NPSR1: variants seen among roughly 807,000 people sequenced by gnomAD.
The protein encoded by NPSR1 is neuropeptide S receptor.
In NPSR1, 48 loss-of-function variants were observed where a neutral mutation model predicts 46.9. That is an observed-to-expected ratio of 1.02 (90% CI 0.81 to 1.30). The LOEUF is 1.30. Among genes scored for constraint, NPSR1 ranks in the 50% most tolerant of loss-of-function variants. NPSR1 has a pLI of 0.00. For synonymous variants in NPSR1, 176 were observed against 168.1 expected, an observed-to-expected ratio of 1.05 and a Z score of -0.36; for missense variants, 450 against 449.5, an observed-to-expected ratio of 1.00 and a Z score of -0.01.
chr7:34,674,026 G>A (rs1009063299), intron 1 of NPSR1, among the ~76,000 whole-genome samples: 5 of 152,100 alleles, frequency 3.3e-5, no homozygotes, highest in African/African-American at 1.2e-4. Flanking sequence ...GTGGAGGAGA[G>A]ACAGATTTTA....
chr7:34,722,058 G>A (rs1035972005), intron 2 of NPSR1, among the ~76,000 whole-genome samples: 2 of 151,786 alleles, frequency 1.3e-5, no homozygotes, highest in Non-Finnish European at 2.9e-5. Context: ...AGGAGGGGAA[G>A]GAGAAGGAAG....
In NPSR1 at chr7:34,811,841, C is replaced by T; in HGVS notation, c.456C>T (p.Tyr152=). 1 of 1,613,390 alleles carries T rather than the reference C, an allele frequency of 6.2e-7. No homozygotes were observed. Among genetic ancestry groups the T allele is most frequent in the Non-Finnish European group, 8.5e-7 (1 of 1,179,564 alleles). The stretch of plus-strand genomic sequence containing the variant: ...TAGACAGATACCATGCCATCGTCTA[C>T]CCCATGAAGTTCCTTCAAGGAGGTG... ...LSIDRYHAIV[Y]PMKFLQGEKQ... The change falls in exon 4 of 9, where the codon TAC becomes TAT. Residue 152 remains tyrosine (Y), a synonymous_variant. Transcript: ENST00000360581.
chr7:34,720,052 C>T (rs553094227), intron 2 of NPSR1, among the ~76,000 whole-genome samples: 4 of 151,384 alleles, frequency 2.6e-5, no homozygotes, highest in Non-Finnish European at 2.9e-5. Context: ...GAGGCCGAGG[C>T]GGGTGGATCA....
chr7:34,734,117 A>T (rs1784560147), intron 2 of NPSR1, among the ~76,000 whole-genome samples: 1 of 152,222 alleles, frequency 6.6e-6, no homozygotes, highest in South Asian at 2.1e-4. Context: ...AAACGAATTT[A>T]ATAGCCCTGA....
intron 2 of NPSR1, among the ~76,000 whole-genome samples, chr7:34,714,428 T>C (rs1266731885): frequency 6.6e-6 from 1 of 152,192 alleles, no homozygotes; most frequent in Admixed American, 6.5e-5. Context: ...GGGCCAGTAC[T>C]TGGTTGTGGT....
intron 4 of NPSR1, among the ~76,000 whole-genome samples, chr7:34,825,763 A>G (rs116263175): frequency 0.012 from 1,867 of 152,252 alleles, 42 homozygotes; most frequent in African/African-American, 0.04. Flanking sequence ...AAGCCCTCTG[A>G]TGACAGCAGC....
chr7:34,666,494 C>T (rs1421371907), intron 1 of NPSR1, among the ~76,000 whole-genome samples: 1 of 152,040 alleles, frequency 6.6e-6, no homozygotes, highest in African/African-American at 2.4e-5. Context: ...CTGATGTCCC[C>T]CTGACTTGAA....
chr7:34,815,396 A>G (rs1402148492), intron 4 of NPSR1, among the ~76,000 whole-genome samples: 1 of 152,188 alleles, frequency 6.6e-6, no homozygotes, highest in Non-Finnish European at 1.5e-5. Context: ...GAAACAAACA[A>G]AGCCTCCAAG....
At chr7:34,685,552 C>T (rs545951233) in intron 2 of NPSR1, among the ~76,000 whole-genome samples, 10 of 152,212 alleles carry the variant, frequency 6.6e-5, no homozygotes, top group African/African-American at 1.9e-4. Flanking sequence ...CAAGGAGTGA[C>T]GGCAAATGAC....
At chr7:34,787,620 G>A (rs957849166) in intron 3 of NPSR1, among the ~76,000 whole-genome samples, 20 of 152,164 alleles carry the variant, frequency 1.3e-4, no homozygotes, top group African/African-American at 3.6e-4. Flanking sequence ...TTTAAAGTGA[G>A]ACATGTGTGA....
At chr7:34,672,042 T>G (rs956039460) in intron 1 of NPSR1, among the ~76,000 whole-genome samples, 3 of 152,242 alleles carry the variant, frequency 2.0e-5, no homozygotes, top group African/African-American at 7.2e-5. Context: ...GTAATTACTT[T>G]GGTTCCTACG....
At chr7:34,866,820 GAAA>G (rs1024292980) in intron 8 of NPSR1, among the ~76,000 whole-genome samples, 2 of 151,608 alleles carry the variant, frequency 1.3e-5, no homozygotes, top group African/African-American at 4.9e-5. Flanking sequence ...GTTACAGTTA[GAAA>G]AAAAAGTTTC....
intron 2 of NPSR1, among the ~76,000 whole-genome samples, chr7:34,735,723 A>G (rs1452695844): frequency 6.6e-6 from 1 of 152,264 alleles, no homozygotes; most frequent in Non-Finnish European, 1.5e-5. Context: ...TGAGGAAGTC[A>G]TCTAAAACTG....
chr7:34,749,914 A>G (rs1351114903), intron 2 of NPSR1, among the ~76,000 whole-genome samples: 1 of 152,054 alleles, frequency 6.6e-6, no homozygotes, highest in African/African-American at 2.4e-5. Flanking sequence ...TTGTTCCTGG[A>G]CCAAATAGGG....
intron 6 of NPSR1, among the ~76,000 whole-genome samples, chr7:34,842,007 T>C (rs953180830): frequency 3.9e-5 from 6 of 152,224 alleles, no homozygotes; most frequent in African/African-American, 1.4e-4. Context: ...TAATAGACAA[T>C]CAAACGTAAT....
In NPSR1 at chr7:34,795,269, C is replaced by T. The variant is rs943298311; in HGVS notation, c.385-16501C>T. On this transcript the variant is annotated intron_variant, in intron 3 of 8. Transcript: ENST00000360581. ...ACTAGGAATAGAAAGTAATCTTCCT[C>T]AACTTGAAAAATAACATCTACAAAA... Among the ~76,000 whole-genome samples the T allele has an allele frequency of 9.2e-5, 14 of 152,234 alleles. No homozygotes were observed. The East Asian group carries it at 2.5e-3, about 27-fold the overall frequency.
chr7:34,804,242 A>G (rs1170503536), intron 3 of NPSR1, among the ~76,000 whole-genome samples: 1 of 152,130 alleles, frequency 6.6e-6, no homozygotes, highest in Non-Finnish European at 1.5e-5. Flanking sequence ...CCTCATGAAC[A>G]TAAATGCAAA....
intron 2 of NPSR1, among the ~76,000 whole-genome samples, chr7:34,720,348 A>C (rs530546256): frequency 6.6e-6 from 1 of 151,870 alleles, no homozygotes; most frequent in African/African-American, 2.4e-5. Context: ...GATCTGGCCC[A>C]CCAGACCAGG....
At chr7:34,817,923 T>C (rs948836710) in intron 4 of NPSR1, among the ~76,000 whole-genome samples, 2 of 152,170 alleles carry the variant, frequency 1.3e-5, no homozygotes, top group Non-Finnish European at 2.9e-5. Context: ...TATCTCAAAA[T>C]AATAAGAGCT....
Sources: gnomAD v4.1 joint callset for allele counts (sites outside exome capture counted in the v4.1 genomes callset) on GRCh38, gnomAD v4.1.1 for gene constraint, MANE v1.5 for transcripts, NCBI Gene and HGNC (gene_info 2026-07-23, HGNC 2026-07-21) for gene names.